The following LRTM1 variants were observed in gnomAD, a reference collection of about 807,000 sequenced individuals.
LRTM1 encodes leucine-rich repeat and transmembrane domain-containing protein 1.
In LRTM1, 38 loss-of-function variants were observed where a neutral mutation model predicts 32.4. The ratio of observed to expected loss-of-function variants is 1.17; its 90% CI spans 0.91 to 1.54. LRTM1 has a LOEUF of 1.54. Among genes scored for constraint, LRTM1 ranks in the 40% most tolerant of loss-of-function variants. The probability of loss-of-function intolerance (pLI) is 0.00; values close to 1 mark genes in which losing one functional copy is unlikely to be tolerated. For synonymous variants in LRTM1, 186 were observed against 169.9 expected, an observed-to-expected ratio of 1.09 and a Z score of -0.74; for missense variants, 466 against 415.4, an observed-to-expected ratio of 1.12 and a Z score of -1.06.
chr3:54,954,488 C>A (rs1216101665), intron 1 of LRTM1, among the ~76,000 whole-genome samples: 1 of 152,242 alleles, frequency 6.6e-6, no homozygotes, highest in African/African-American at 2.4e-5. Context: ...AAGGCAGATG[C>A]CTGCCCAGAC....
At chr3:54,930,932 A>G (rs1701172718), upstream of LRTM1, among the ~76,000 whole-genome samples, 1 of 152,162 alleles carries the variant, frequency 6.6e-6, no homozygotes, top group African/African-American at 2.4e-5. Context: ...CCCCATCTCT[A>G]CTAAAATACA....
chr3:54,960,826 ATGAGT>A (rs1459109038), intron 1 of LRTM1, among the ~76,000 whole-genome samples: 1 of 152,008 alleles, frequency 6.6e-6, no homozygotes, highest in African/African-American at 2.4e-5. Context: ...TATTTAACAG[ATGAGT>A]TATGTCCTAA....
At position 54,949,597 on chromosome 3, in the gene LRTM1, C is replaced by T. The variant is rs113489216; in HGVS notation, c.-222+17331G>A. On this transcript the variant is annotated intron_variant, in intron 1 of 2. Transcript: ENST00000493075. ...CATACCCAAGGGGCAGCACTGGAAT[C>T]AGGGCACATTATCAACATTCTCAAG... Among the ~76,000 whole-genome samples the T allele has an allele frequency of 2.9e-3, 448 of 152,294 alleles. 1 individual carries two copies. Among genetic ancestry groups the T allele is most frequent in the African/African-American group, 0.011 (437 of 41,568 alleles).
upstream of LRTM1, among the ~76,000 whole-genome samples, chr3:54,931,041 A>G (rs901110111): frequency 6.6e-6 from 1 of 152,190 alleles, no homozygotes; most frequent in Non-Finnish European, 1.5e-5. Flanking sequence ...GGTTGTAGTG[A>G]GCCGAGATCG....
chr3:54,966,934 G>A (rs1702166748), exon 1 of LRTM1: 1 of 152,146 alleles, frequency 6.6e-6, no homozygotes, highest in Admixed American at 6.5e-5. Context: ...TTACCTATGG[G>A]TCGTCTGTGT....
chr3:54,949,159 C>A (rs1222697836), intron 1 of LRTM1, among the ~76,000 whole-genome samples: 1 of 152,168 alleles, frequency 6.6e-6, no homozygotes, highest in Non-Finnish European at 1.5e-5. Flanking sequence ...AGTTCAATGT[C>A]CTGGGGCTTG....
upstream of LRTM1, among the ~76,000 whole-genome samples, chr3:54,931,667 T>A (rs1701195136): frequency 6.6e-6 from 1 of 152,186 alleles, no homozygotes; most frequent in South Asian, 2.1e-4. Context: ...TAGAGTAAAA[T>A]TGTGTTTATA....
At chr3:54,946,630 G>A (rs1329158564) in intron 1 of LRTM1, among the ~76,000 whole-genome samples, 3 of 152,100 alleles carry the variant, frequency 2.0e-5, no homozygotes, top group South Asian at 4.1e-4. Flanking sequence ...AATGACAGGA[G>A]AGCCGTCCTT....
chr3:54,924,823 T>A lies in LRTM1; in HGVS notation c.400A>T (p.Ile134Leu). ...LRELDLSSNN[I>L]SHLPTSLGET... The stretch of plus-strand genomic sequence containing the variant: ...CCCAAGGATGTGGGAAGGTGGCTTA[T>A]GTTGTTTGATGACAAATCAAGCTCC... Residue 134 changes from isoleucine (I) to leucine (L), a missense_variant, in exon 2 of 3, where the codon ATA (isoleucine) becomes TTA (leucine). Physicochemically the swap from Ile to Leu is conservative, Grantham distance 5. Transcript: ENST00000273286. 2 of 1,614,018 alleles carry A rather than the reference T, an allele frequency of 1.2e-6. No individual in the cohort carries two copies. Among genetic ancestry groups the A allele is most frequent in the Non-Finnish European group, 1.7e-6 (2 of 1,179,954 alleles).
chr3:54,923,549 T>G (rs2106936830), intron 2 of LRTM1, among the ~76,000 whole-genome samples: 1 of 152,322 alleles, frequency 6.6e-6, no homozygotes, highest in South Asian at 2.1e-4. Flanking sequence ...TAAACATGTA[T>G]CTTTATTTAT....
At chr3:54,937,483 C>G (rs1481642212) in intron 1 of LRTM1, among the ~76,000 whole-genome samples, 1 of 152,182 alleles carries the variant, frequency 6.6e-6, no homozygotes, top group Non-Finnish European at 1.5e-5. Context: ...GTTTCACATT[C>G]CATAAATTAT....
chr3:54,930,962 G>A (rs774978114), upstream of LRTM1, among the ~76,000 whole-genome samples: 54 of 152,114 alleles, frequency 3.5e-4, no homozygotes, highest in Non-Finnish European at 6.8e-4. Context: ...TGGGCGTGAT[G>A]GTGGCCTTCT....
intron 2 of LRTM1, among the ~76,000 whole-genome samples, chr3:54,923,063 C>T (rs531043644): frequency 6.6e-6 from 1 of 152,296 alleles, no homozygotes; most frequent in East Asian, 1.9e-4. Flanking sequence ...TCTTCTCCCT[C>T]ATCTCCCTGG....
intron 1 of LRTM1, among the ~76,000 whole-genome samples, chr3:54,946,018 C>T (rs1391195649): frequency 1.3e-5 from 2 of 152,172 alleles, no homozygotes; most frequent in Admixed American, 6.5e-5. Flanking sequence ...AGCAGGAAAA[C>T]GAGTACCCTG....
Position 54,924,604 on chromosome 3 carries a change from A to T in LRTM1, c.604+15T>A. 1 of 1,596,542 alleles carries T rather than the reference A, an allele frequency of 6.3e-7. No individual in the cohort carries two copies. ...GTAACACACAGATGGGGGGTTCCAA[A>T]TAGACATGACTGACCTTTATAGACA... is the stretch of plus-strand genomic sequence containing the variant. On this transcript the variant is annotated intron_variant, in intron 2 of 2. Transcript: ENST00000273286.
At chr3:54,919,747 A>G (rs1347381799) in intron 2 of LRTM1, among the ~76,000 whole-genome samples, 2 of 152,230 alleles carry the variant, frequency 1.3e-5, no homozygotes, top group African/African-American at 4.8e-5. Flanking sequence ...AAAACATGCT[A>G]TTTGTATCCA....
intron 1 of LRTM1, among the ~76,000 whole-genome samples, chr3:54,941,020 G>T (rs1701452841): frequency 6.6e-6 from 1 of 150,964 alleles, no homozygotes; most frequent in African/African-American, 2.5e-5. Context: ...ACTTGATAAG[G>T]CAATCCTGGT....
At chr3:54,928,849 T>C (rs2106950773), upstream of LRTM1, among the ~76,000 whole-genome samples, 1 of 152,238 alleles carries the variant, frequency 6.6e-6, no homozygotes, top group South Asian at 2.1e-4. Context: ...AGCCGCCCCC[T>C]GTGAGCATCA....
intron 1 of LRTM1, among the ~76,000 whole-genome samples, chr3:54,959,771 C>T (rs1000976025): frequency 2.0e-5 from 3 of 152,066 alleles, no homozygotes; most frequent in Admixed American, 6.6e-5. Flanking sequence ...GGCTTGAAAA[C>T]TTTATTGAAA....
Sources: gnomAD v4.1 joint callset for allele counts (sites outside exome capture counted in the v4.1 genomes callset) on GRCh38, gnomAD v4.1.1 for gene constraint, MANE v1.5 for transcripts, NCBI Gene and HGNC (gene_info 2026-07-23, HGNC 2026-07-21) for gene names.